The following ADCY8 variants were observed in gnomAD, a reference collection of about 807,000 sequenced individuals.
ADCY8 encodes the protein adenylate cyclase 8, also known as adenylate cyclase type 8.
Under a neutral mutation model 119.7 loss-of-function variants are expected in ADCY8, and 51 were observed. The observed-to-expected ratio is 0.43, with a 90% confidence interval of 0.34 to 0.54. ADCY8 has a LOEUF of 0.54. ADCY8 is among the 20% of genes least tolerant of loss of function. The pLI is 0.03. For synonymous variants in ADCY8, 665 were observed against 651.0 expected (o/e 1.02, Z -0.33); for missense variants, 1,383 against 1,598.8 (o/e 0.87, Z 2.30).
intron 5 of ADCY8, among the ~76,000 whole-genome samples, chr8:130,912,593 T>A (rs1011999691): frequency 6.6e-6 from 1 of 152,216 alleles, no homozygotes; most frequent in East Asian, 1.9e-4. Context: ...CTTTGCAGTC[T>A]CTGTTCTTAA....
chr8:130,976,531 T>C (rs985729049), intron 2 of ADCY8, among the ~76,000 whole-genome samples: 2 of 152,220 alleles, frequency 1.3e-5, no homozygotes, highest in African/African-American at 2.4e-5. Context: ...AACACCATCA[T>C]CTACATAGCG....
intron 1 of ADCY8, among the ~76,000 whole-genome samples, chr8:131,017,869 C>T (rs1466520459): frequency 6.6e-6 from 1 of 152,242 alleles, no homozygotes; most frequent in South Asian, 2.1e-4. Flanking sequence ...AGGTTAGCAG[C>T]CTGCTCAGCT....
intron 2 of ADCY8, among the ~76,000 whole-genome samples, chr8:130,984,675 T>C (rs1192114743): frequency 2.0e-5 from 3 of 151,990 alleles, no homozygotes; most frequent in East Asian, 1.9e-4. Flanking sequence ...AAAGGAAATA[T>C]AGAAAAAAAT....
Position 130,836,396 on chromosome 8 carries a change from C to A in ADCY8, c.2556G>T (p.Arg852=). 6.2e-7 allele frequency: 1 copy of A among 1,613,908 alleles called. No individual in the cohort carries two copies. The highest frequency in any genetic ancestry group is 8.5e-7 in the Non-Finnish European group (1 of 1,179,910). Residue 852 remains arginine (R), a synonymous_variant, in exon 12 of 18, where the codon CGG becomes CGT. Transcript: ENST00000286355. The part of the protein sequence containing the change: ...LAMVTCAVFL[R]LNSVLKLAVL... ...CTGCCAGCTTCAGGACGGAGTTCAG[C>A]CGGAGGAAAACTGCACAGGTCACCA... is the stretch of plus-strand genomic sequence containing the variant.
chr8:131,025,429 A>G (rs1255934488), intron 1 of ADCY8, among the ~76,000 whole-genome samples: 1 of 152,090 alleles, frequency 6.6e-6, no homozygotes, highest in Non-Finnish European at 1.5e-5. Flanking sequence ...AGCATCCTCA[A>G]CTATAAAAAG....
Position 130,849,763 on chromosome 8 carries a change from G to A in ADCY8, c.2251C>T (p.Leu751=). The A allele has an allele frequency of 6.2e-7, 1 of 1,613,556 alleles. No individual in the cohort carries two copies. Among genetic ancestry groups the A allele is most frequent in the Non-Finnish European group, 8.5e-7 (1 of 1,179,736 alleles). Residue 751 remains leucine, a synonymous_variant, in exon 10 of 18, where the codon CTG becomes TTG. Coordinates refer to ENST00000286355, the MANE Select transcript of ADCY8 (RefSeq NM_001115.3). ...GTGATGAGGACCAGAGCCGAGTGCAGCATAATCAGAATGGAGAACTGGATG... is the reference window on the plus strand; with the variant it reads ...GTGATGAGGACCAGAGCCGAGTGCAACATAATCAGAATGGAGAACTGGATG... ...MTIQFSILIM[L]HSALVLITTA... is the part of the protein sequence containing the mutation.
rs369644675 is a variant in ADCY8, at chr8:130,913,497, AT to A, written c.1482-3632del. Reference sequence around the variant, plus strand: ...CCAATGAAATATGAGCAGAGGTAATATGTGTCACTTCTGGGCAGAAGCTTTA... The same window carrying A: ...CCAATGAAATATGAGCAGAGGTAATAGTGTCACTTCTGGGCAGAAGCTTTA... On this transcript the variant is annotated intron_variant, in intron 5 of 17. Transcript: ENST00000286355. 3.2e-3 allele frequency among the ~76,000 whole-genome samples: 485 copies of A among 152,188 alleles called. 2 individuals are homozygous for A. The highest frequency in any genetic ancestry group is 6.8e-3 in the Middle Eastern group (2 of 294).
intron 7 of ADCY8, among the ~76,000 whole-genome samples, chr8:130,897,733 C>A (rs948887043): frequency 3.2e-3 from 2 of 630 alleles, no homozygotes; most frequent in African/African-American, 5.2e-3. Flanking sequence ...CACACACATA[C>A]AACACATGCA....
At chr8:130,933,528 TC>T (rs957321893) in intron 5 of ADCY8, among the ~76,000 whole-genome samples, 5 of 152,196 alleles carry the variant, frequency 3.3e-5, no homozygotes, top group African/African-American at 1.2e-4. Flanking sequence ...TCCTATTAAT[TC>T]CTTTTTAGCA....
rs375687132 is a variant in ADCY8, at chr8:130,904,018, C to T, written c.1665G>A (p.Thr555=). The T allele has an allele frequency of 1.3e-4, 203 of 1,613,248 alleles. No homozygotes were observed. The highest frequency in any genetic ancestry group is 1.2e-3 in the South Asian group (113 of 91,026). The change falls in exon 7 of 18, where the codon ACG becomes ACA. Residue 555 remains threonine (T), a synonymous_variant. Transcript: ENST00000286355. ...TATAGTCACCGTTGAGACAGTCCAG[C>T]GTGGCTTTGGAAATGTGAATCCTCC... The part of the protein sequence containing the change: ...IPGRIHISKA[T]LDCLNGDYNV...
chr8:131,019,269 T>C (rs922384506), intron 1 of ADCY8, among the ~76,000 whole-genome samples: 5 of 152,230 alleles, frequency 3.3e-5, no homozygotes, highest in African/African-American at 4.8e-5. Context: ...AGATAAATTA[T>C]GTTTAATAAA....
intron 4 of ADCY8, among the ~76,000 whole-genome samples, chr8:130,939,030 TGTG>T (rs1820877360): frequency 6.6e-6 from 1 of 152,142 alleles, no homozygotes; most frequent in South Asian, 2.1e-4. Flanking sequence ...TGCCCAGATT[TGTG>T]GAGTCAGTGG....
intron 13 of ADCY8, among the ~76,000 whole-genome samples, chr8:130,820,042 C>G (rs1816459133): frequency 6.6e-6 from 1 of 152,140 alleles, no homozygotes; most frequent in Admixed American, 6.5e-5. Flanking sequence ...GTCCATAAAA[C>G]AGGAGTAATA....
intron 12 of ADCY8, among the ~76,000 whole-genome samples, chr8:130,831,720 C>T (rs1816840481): frequency 6.6e-6 from 1 of 152,124 alleles, no homozygotes; most frequent in East Asian, 1.9e-4. Flanking sequence ...ACAAGAAGCT[C>T]TTAAAGGGTT....
chr8:130,818,756 G>A (rs904682037), intron 13 of ADCY8, among the ~76,000 whole-genome samples: 37 of 152,188 alleles, frequency 2.4e-4, no homozygotes, highest in African/African-American at 8.4e-4. Flanking sequence ...GCAGATAGAA[G>A]ACACTTGAAG....
chr8:130,859,884 A>C (rs1817870346), intron 9 of ADCY8, among the ~76,000 whole-genome samples: 1 of 152,216 alleles, frequency 6.6e-6, no homozygotes, highest in African/African-American at 2.4e-5. Flanking sequence ...AACATTATAT[A>C]AATGGAATAA....
chr8:130,906,028 C>T (rs1028774910), intron 6 of ADCY8, among the ~76,000 whole-genome samples: 1 of 152,196 alleles, frequency 6.6e-6, no homozygotes, highest in African/African-American at 2.4e-5. Context: ...CAAATCATTT[C>T]TGATACTTCA....
At position 130,990,478 on chromosome 8, in the gene ADCY8, G is replaced by C; in HGVS notation, c.1025C>G (p.Ser342Ter). The change falls in exon 2 of 18, where the codon TCA becomes TGA. Residue 342 changes from serine (S) to a stop codon, truncating the protein, a stop_gained. Coordinates refer to ENST00000286355, the MANE Select transcript of ADCY8 (RefSeq NM_001115.3). LOFTEE classifies it high-confidence loss of function. Reference protein sequence around the residue: ...NTAGIFISYLSDRAQRQAFLE... With the variant: ...NTAGIFISYL ...GAAAGCTTGGCGCTGGGCCCGGTCT[G>C]ACAGGTAACTGATGAAGATTCCAGC... 6.2e-7 allele frequency: 1 copy of C among 1,614,206 alleles called. No individual in the cohort carries two copies. Among genetic ancestry groups the C allele is most frequent in the Non-Finnish European group, 8.5e-7 (1 of 1,180,018 alleles).
intron 2 of ADCY8, among the ~76,000 whole-genome samples, chr8:130,956,305 T>C (rs111794785): frequency 1.2e-3 from 184 of 152,350 alleles, no homozygotes; most frequent in African/African-American, 4.3e-3. Flanking sequence ...TCACATCCTC[T>C]ATTCTGAGCA....
Sources: allele counts gnomAD v4.1 joint callset (sites outside exome capture counted in the v4.1 genomes callset), GRCh38; gene constraint gnomAD v4.1.1; transcripts MANE v1.5; gene names NCBI Gene and HGNC (gene_info 2026-07-23, HGNC 2026-07-21).